The following ABCB5 variants were observed in gnomAD, a reference collection of about 807,000 sequenced individuals.
ABCB5 encodes ATP binding cassette subfamily B member 5.
In ABCB5, 155 loss-of-function variants were observed where a neutral mutation model predicts 144.2. The ratio of observed to expected loss-of-function variants is 1.08; its 90% CI spans 0.94 to 1.23. ABCB5 has a LOEUF of 1.23. ABCB5 is among the 50% of genes most tolerant of loss of function. ABCB5 has a pLI of 0.00. For synonymous variants in ABCB5, 610 were observed against 528.6 expected (o/e 1.15, Z -2.11); for missense variants, 1,830 against 1,520.8 (o/e 1.20, Z -3.38).
intron 5 of ABCB5, 88 bp downstream of exon 5, chr7:20,632,201 G>A: frequency 3.6e-6 from 3 of 826,340 alleles, no homozygotes; most frequent in Non-Finnish European, 5.6e-6. Context: ...AATTTTGTAT[G>A]ACCATTAATA....
intron 7 of ABCB5, among the ~76,000 whole-genome samples, chr7:20,644,555 A>G (rs1312683180): frequency 6.6e-6 from 1 of 152,230 alleles, no homozygotes; most frequent in African/African-American, 2.4e-5. Context: ...TCTTATCTAC[A>G]GCCTGGTTTT....
intron 20 of ABCB5, among the ~76,000 whole-genome samples, chr7:20,714,138 G>A (rs1470641801): frequency 6.6e-6 from 1 of 152,142 alleles, no homozygotes; most frequent in African/African-American, 2.4e-5. Flanking sequence ...TTTTAGATGA[G>A]AGGATAAATC....
rs767704082 is a variant in ABCB5 at position 20,651,659 on chromosome 7, G to A, written c.1536+36G>A. On this transcript the variant is annotated intron_variant, in intron 13 of 27. Coordinates refer to ENST00000404938, the MANE Select transcript of ABCB5 (RefSeq NM_001163941.2). ...TGTGCAGCCTGTGTCCTTAGCTTATGGTGGCAGCGCTGCGACATTCCAATA... is the reference window on the plus strand; with the variant it reads ...TGTGCAGCCTGTGTCCTTAGCTTATAGTGGCAGCGCTGCGACATTCCAATA... 6.9e-6 allele frequency: 11 copies of A among 1,599,992 alleles called. No homozygotes were observed. In the South Asian group the frequency reaches 7.7e-5, roughly 11 times the overall value.
chr7:20,629,578 A>G (rs1467308276), intron 4 of ABCB5, among the ~76,000 whole-genome samples: 1 of 152,050 alleles, frequency 6.6e-6, no homozygotes, highest in Non-Finnish European at 1.5e-5. Context: ...CCTGGCCAAC[A>G]TGGTGAAACC....
At chr7:20,659,704 G>A (rs1482418630) in intron 14 of ABCB5, 1 of 987,064 alleles carries the variant, frequency 1.0e-6, no homozygotes, top group East Asian at 1.1e-4. Context: ...TAGTAACTAG[G>A]ACAGGGATCT....
At chr7:20,687,418 A>G (rs1786039366) in intron 16 of ABCB5, among the ~76,000 whole-genome samples, 1 of 152,268 alleles carries the variant, frequency 6.6e-6, no homozygotes, top group Non-Finnish European at 1.5e-5. Context: ...AAAAAACAAT[A>G]AAATGTATCT....
At chr7:20,627,640 T>C (rs1321017540) in intron 3 of ABCB5, among the ~76,000 whole-genome samples, 1 of 151,830 alleles carries the variant, frequency 6.6e-6, no homozygotes, top group Non-Finnish European at 1.5e-5. Flanking sequence ...AGGCATTTCT[T>C]TCTTATTCAA....
In ABCB5 at chr7:20,659,192, C is replaced by T. The variant is rs1233655094; in HGVS notation, c.1707+516C>T. The T allele has an allele frequency of 5.6e-6, 9 of 1,609,544 alleles. 1 individual carries two copies. The highest frequency in any genetic ancestry group is 1.1e-5 in the South Asian group (1 of 90,714). On this transcript the variant is annotated intron_variant, in intron 14 of 27. Transcript: ENST00000404938. ...CTGACCTCCTGCTGCCTATGAGCTA[C>T]TGCACATACCTCAAGGCCATATGCA...
chr7:20,739,225 G>C, intron 24 of ABCB5, 86 bp downstream of exon 24: 2 of 1,382,236 alleles, frequency 1.4e-6, no homozygotes, highest in Non-Finnish European at 9.5e-7. Context: ...GGAGAGAGGG[G>C]CAAGGGCTGA....
intron 9 of ABCB5, among the ~76,000 whole-genome samples, 164 bp downstream of exon 9, chr7:20,646,302 A>G (rs1784409239): frequency 6.6e-6 from 1 of 152,226 alleles, no homozygotes; most frequent in South Asian, 2.1e-4. Flanking sequence ...TATAGTTATG[A>G]ATTGACAGCA....
intron 14 of ABCB5, among the ~76,000 whole-genome samples, chr7:20,671,746 T>C (rs564415717): frequency 1.2e-4 from 18 of 152,248 alleles, no homozygotes; most frequent in Non-Finnish European, 2.6e-4. Context: ...TTAGGTTTGT[T>C]TTCAGTTTTG....
At chr7:20,645,671 G>A in intron 7 of ABCB5, 85 bp from the exon 8 acceptor site, 1 of 1,501,274 alleles carries the variant, frequency 6.7e-7, no homozygotes, top group South Asian at 1.3e-5. Context: ...AGTCTACTTA[G>A]AATTCAAATT....
At chr7:20,679,174 G>C (rs974342528) in intron 14 of ABCB5, among the ~76,000 whole-genome samples, 10 of 152,036 alleles carry the variant, frequency 6.6e-5, no homozygotes, top group Admixed American at 5.9e-4. Flanking sequence ...ACCATTAAGA[G>C]AGTGAAAAGA....
At chr7:20,625,361 A>T (rs1223953293) in intron 2 of ABCB5, among the ~76,000 whole-genome samples, 1 of 152,074 alleles carries the variant, frequency 6.6e-6, no homozygotes, top group Non-Finnish European at 1.5e-5. Flanking sequence ...TCTTCTCTTA[A>T]TGTTTCAGAA....
intron 24 of ABCB5, among the ~76,000 whole-genome samples, chr7:20,742,002 T>C (rs1782577055): frequency 6.6e-6 from 1 of 152,156 alleles, no homozygotes; most frequent in African/African-American, 2.4e-5. Flanking sequence ...TTAGAAATCA[T>C]TAACCAGTAA....
intron 20 of ABCB5, among the ~76,000 whole-genome samples, chr7:20,705,778 C>G (rs1356492862): frequency 1.3e-5 from 2 of 151,368 alleles, no homozygotes; most frequent in Non-Finnish European, 2.9e-5. Flanking sequence ...AGATTATTTC[C>G]ACAGGATATG....
Position 20,699,950 on chromosome 7 carries a change from C to T in ABCB5, c.2259+21C>T, listed in dbSNP as rs529521181. On this transcript the variant is annotated intron_variant, in intron 18 of 27. Transcript: ENST00000404938. ...TGCAGGTAAGCTTTTAATAAACAAG[C>T]CTGAGCATGATTACTTTTTGTTGCC... 47 of 1,601,260 alleles carry T rather than the reference C, an allele frequency of 2.9e-5. No individual in the cohort carries two copies. The South Asian group carries it at 5.0e-4, about 17-fold the overall frequency.
intron 15 of ABCB5, 110 bp downstream of exon 15, chr7:20,681,776 C>A (rs982860586): frequency 1.6e-6 from 2 of 1,285,206 alleles, no homozygotes; most frequent in Non-Finnish European, 2.1e-6. Context: ...CAAAAAGCAA[C>A]CAAGGTTTAT....
At chr7:20,626,240 T>C (rs1783905806) in intron 2 of ABCB5, among the ~76,000 whole-genome samples, 1 of 152,144 alleles carries the variant, frequency 6.6e-6, no homozygotes, top group Admixed American at 6.5e-5. Flanking sequence ...TCAAAATAAA[T>C]GGTGGCACAA....
Sources: allele counts gnomAD v4.1 joint callset (sites outside exome capture counted in the v4.1 genomes callset), GRCh38; gene constraint gnomAD v4.1.1; transcripts MANE v1.5; gene names NCBI Gene and HGNC (gene_info 2026-07-23, HGNC 2026-07-21).